The following AMPH variants were observed in gnomAD, a reference collection of about 807,000 sequenced individuals.
The protein encoded by AMPH is amphiphysin.
In AMPH, 49 loss-of-function variants were observed where a neutral mutation model predicts 99.1. The ratio of observed to expected loss-of-function variants is 0.49; its 90% confidence interval spans 0.39 to 0.63. The LOEUF (loss-of-function observed/expected upper bound fraction) is 0.63, where lower values mean the gene tolerates loss of function less well. AMPH is among the 20% of genes least tolerant of loss of function. AMPH has a pLI of 0.00. For missense variants in AMPH, 759 were observed against 863.4 expected, an observed-to-expected ratio of 0.88 and a Z score of 1.52; for synonymous variants, 314 against 317.3, an observed-to-expected ratio of 0.99 and a Z score of 0.11.
chr7:38,545,679 T>A (rs2129044358), intron 1 of AMPH, among the ~76,000 whole-genome samples: 1 of 152,296 alleles, frequency 6.6e-6, no homozygotes, highest in South Asian at 2.1e-4. Context: ...TGAAAAAACA[T>A]TCTGCATAAT....
chr7:38,512,020 A>T (rs900897101), intron 2 of AMPH, among the ~76,000 whole-genome samples: 28 of 152,220 alleles, frequency 1.8e-4, no homozygotes, highest in Middle Eastern at 3.2e-3. Flanking sequence ...TCTGTATTTT[A>T]AAAAGCCTCC....
chr7:38,431,563 G>T (rs1786027979), intron 13 of AMPH, among the ~76,000 whole-genome samples: 1 of 151,932 alleles, frequency 6.6e-6, no homozygotes, highest in East Asian at 1.9e-4. Context: ...GGCTGAGGCA[G>T]GAGAAGGGTG....
intron 1 of AMPH, among the ~76,000 whole-genome samples, chr7:38,596,553 C>T (rs1035576962): frequency 1.3e-5 from 2 of 152,164 alleles, no homozygotes; most frequent in African/African-American, 4.8e-5. Flanking sequence ...TATAAACATG[C>T]CCCAACTTGT....
At chr7:38,607,236 A>C (rs907469737) in intron 1 of AMPH, among the ~76,000 whole-genome samples, 2 of 152,172 alleles carry the variant, frequency 1.3e-5, no homozygotes, top group Non-Finnish European at 2.9e-5. Context: ...AAAATTTCTC[A>C]ATTTCAGTAC....
At chr7:38,385,673 T>C (rs1681430672) in intron 20 of AMPH, among the ~76,000 whole-genome samples, 1 of 151,990 alleles carries the variant, frequency 6.6e-6, no homozygotes, top group South Asian at 2.1e-4. Context: ...GTCTGTCATA[T>C]AGAAGTGCCA....
chr7:38,431,384 G>A (rs192239222), intron 13 of AMPH, among the ~76,000 whole-genome samples: 139 of 152,264 alleles, frequency 9.1e-4, no homozygotes, highest in Non-Finnish European at 1.1e-3. Context: ...CAGGCTGGCC[G>A]CAGTGGCTCA....
At chr7:38,573,542 T>C (rs964776751) in intron 1 of AMPH, among the ~76,000 whole-genome samples, 1 of 152,226 alleles carries the variant, frequency 6.6e-6, no homozygotes, top group Non-Finnish European at 1.5e-5. Flanking sequence ...GTTGTAACTA[T>C]TGTGTGTCTT....
chr7:38,423,491 C>T (rs1327777257), intron 15 of AMPH, among the ~76,000 whole-genome samples: 1 of 152,194 alleles, frequency 6.6e-6, no homozygotes, highest in East Asian at 1.9e-4. Flanking sequence ...GTGTTTTGAA[C>T]ACATGCAGTT....
At chr7:38,528,736 T>C (rs1790284665) in intron 2 of AMPH, among the ~76,000 whole-genome samples, 1 of 151,992 alleles carries the variant, frequency 6.6e-6, no homozygotes, top group South Asian at 2.1e-4. Flanking sequence ...ATTTCTGTTC[T>C]TTTTTTATTT....
At chr7:38,407,076 A>ATATATATG (rs1478238678) in intron 17 of AMPH, among the ~76,000 whole-genome samples, 8 of 19,750 alleles carry the variant, frequency 4.1e-4, no homozygotes, top group Non-Finnish European at 4.5e-4. Flanking sequence ...ATATATATAT[A>ATATATATG]TGTGTGTGTG....
intron 5 of AMPH, among the ~76,000 whole-genome samples, chr7:38,490,543 T>C (rs938778051): frequency 6.6e-6 from 1 of 152,172 alleles, no homozygotes; most frequent in Admixed American, 6.5e-5. Context: ...TTAAAATGCT[T>C]ATATCTTAAC....
intron 1 of AMPH, among the ~76,000 whole-genome samples, chr7:38,596,565 C>T (rs760426323): frequency 1.2e-4 from 19 of 152,160 alleles, no homozygotes; most frequent in Non-Finnish European, 2.2e-4. Flanking sequence ...CCAACTTGTG[C>T]TTTCATGTTG....
intron 1 of AMPH, among the ~76,000 whole-genome samples, chr7:38,535,706 T>C (rs1790572599): frequency 1.3e-5 from 2 of 152,182 alleles, no homozygotes; most frequent in Admixed American, 6.5e-5. Context: ...TGACAGAACA[T>C]CAGGTATTAT....
intron 17 of AMPH, among the ~76,000 whole-genome samples, chr7:38,414,442 A>G (rs1785307293): frequency 6.6e-6 from 1 of 152,214 alleles, no homozygotes; most frequent in Non-Finnish European, 1.5e-5. Flanking sequence ...GCAAAAAAGA[A>G]CACTGGTATA....
chr7:38,480,172 T>G (rs1181960709), intron 5 of AMPH, among the ~76,000 whole-genome samples: 2 of 152,112 alleles, frequency 1.3e-5, no homozygotes. Flanking sequence ...CCATTTTACT[T>G]TTAGGAAATG....
intron 11 of AMPH, among the ~76,000 whole-genome samples, chr7:38,453,412 G>A (rs1787108573): frequency 6.6e-6 from 1 of 152,172 alleles, no homozygotes; most frequent in Admixed American, 6.5e-5. Context: ...CACAGGAGCT[G>A]CAGCTGGAAC....
chr7:38,418,494 T>A (rs1193810694), intron 16 of AMPH, among the ~76,000 whole-genome samples: 2 of 152,232 alleles, frequency 1.3e-5, no homozygotes, highest in African/African-American at 4.8e-5. Context: ...AGAGTCATTC[T>A]AATAGTCAGA....
At chr7:38,420,523 T>C (rs543154502) in intron 16 of AMPH, among the ~76,000 whole-genome samples, 6 of 152,360 alleles carry the variant, frequency 3.9e-5, no homozygotes, top group African/African-American at 1.4e-4. Flanking sequence ...CCTTTACAGA[T>C]ATTGGTGGCA....
chr7:38,431,459 C>T (rs927870673), intron 13 of AMPH, among the ~76,000 whole-genome samples: 5 of 152,146 alleles, frequency 3.3e-5, no homozygotes, highest in Non-Finnish European at 5.9e-5. Context: ...AGATCGAGAC[C>T]ATCCTGGCTA....
Sources: allele counts gnomAD v4.1 joint callset (sites outside exome capture counted in the v4.1 genomes callset), GRCh38; gene constraint gnomAD v4.1.1; transcripts MANE v1.5; gene names NCBI Gene and HGNC (gene_info 2026-07-23, HGNC 2026-07-21).